NAPB: variants seen among roughly 807,000 people sequenced by gnomAD.
NAPB encodes the protein beta-soluble NSF attachment protein.
Under a neutral mutation model 44.7 loss-of-function variants are expected in NAPB, and 26 were observed. That is an observed-to-expected ratio of 0.58 (90% CI 0.43 to 0.81). NAPB has a LOEUF of 0.81. Among genes scored for constraint, NAPB ranks in the 30% least tolerant of loss-of-function variants. The pLI, the probability that NAPB is intolerant of heterozygous loss-of-function variation, is 0.00. For missense variants in NAPB, 315 were observed against 356.4 expected, an observed-to-expected ratio of 0.88 and a Z score of 0.94; for synonymous variants, 120 against 116.8, an observed-to-expected ratio of 1.03 and a Z score of -0.18.
chr20:23,408,073 T>C (rs1985377429), intron 1 of NAPB, among the ~76,000 whole-genome samples: 1 of 152,148 alleles, frequency 6.6e-6, no homozygotes, highest in African/African-American at 2.4e-5. Flanking sequence ...CACAAGATAT[T>C]AGAGTAGAAA....
At chr20:23,407,144 G>T (rs1002822509) in intron 1 of NAPB, among the ~76,000 whole-genome samples, 2 of 152,078 alleles carry the variant, frequency 1.3e-5, no homozygotes, top group African/African-American at 4.8e-5. Context: ...AATTGCCAGA[G>T]GTAGCCTCAC....
rs182461032 is a variant in NAPB, at chr20:23,421,044, C to G, written c.98+261G>C. On this transcript the variant is annotated intron_variant, in intron 1 of 10. Coordinates refer to ENST00000377026, the MANE Select transcript of NAPB (RefSeq NM_022080.3). ...GGGGCTGAGAGCCCCTGGGAGGATG[C>G]GGGGTTTCCAGGGACCCTGGGGGGG... is the stretch of plus-strand genomic sequence containing the variant. 7.8e-3 allele frequency among the ~76,000 whole-genome samples: 1,145 copies of G among 146,918 alleles called. 20 individuals carry two copies. The highest frequency in any genetic ancestry group is 0.027 in the African/African-American group (1,068 of 39,542).
chr20:23,412,564 G>A (rs1985726463), intron 1 of NAPB, among the ~76,000 whole-genome samples: 1 of 151,998 alleles, frequency 6.6e-6, no homozygotes, highest in Non-Finnish European at 1.5e-5. Context: ...CGTTAAAAAA[G>A]ATAGAAATAC....
intron 1 of NAPB, among the ~76,000 whole-genome samples, chr20:23,418,077 G>A (rs1411549373): frequency 1.3e-5 from 2 of 152,210 alleles, no homozygotes; most frequent in Non-Finnish European, 1.5e-5. Context: ...TCTGTGATGT[G>A]AAATATCTGC....
intron 1 of NAPB, among the ~76,000 whole-genome samples, chr20:23,404,153 T>C (rs549843356): frequency 3.9e-5 from 6 of 152,204 alleles, no homozygotes; most frequent in Non-Finnish European, 7.3e-5. Context: ...CAGAGTTAAC[T>C]TTGCTTTTAC....
intron 1 of NAPB, among the ~76,000 whole-genome samples, chr20:23,413,924 C>G (rs1985830034): frequency 6.6e-6 from 1 of 151,706 alleles, no homozygotes; most frequent in South Asian, 2.1e-4. Flanking sequence ...GAAAAACATC[C>G]ACATTATTTT....
At chr20:23,410,130 G>A (rs568897927) in intron 1 of NAPB, among the ~76,000 whole-genome samples, 2 of 152,316 alleles carry the variant, frequency 1.3e-5, no homozygotes, top group Admixed American at 1.3e-4. Context: ...GTTTGGCAGT[G>A]AAAGGAAAGA....
chr20:23,400,997 A>AT (rs1470545621), intron 2 of NAPB, among the ~76,000 whole-genome samples: 1 of 152,092 alleles, frequency 6.6e-6, no homozygotes, highest in Admixed American at 6.5e-5. Context: ...AAAAAAAAAA[A>AT]GTTTCCAGGA....
intron 1 of NAPB, among the ~76,000 whole-genome samples, chr20:23,420,017 T>C (rs1229297061): frequency 6.6e-6 from 1 of 152,166 alleles, no homozygotes; most frequent in African/African-American, 2.4e-5. Context: ...TGTACAGAAA[T>C]AAAATCGTGT....
intron 1 of NAPB, among the ~76,000 whole-genome samples, chr20:23,411,957 C>T (rs903365534): frequency 6.6e-6 from 1 of 152,124 alleles, no homozygotes; most frequent in African/African-American, 2.4e-5. Flanking sequence ...ACTTTGTGCT[C>T]AGTACAAGAA....
At chr20:23,380,528 CT>C (rs11387171) in intron 8 of NAPB, 44 of 145,862 alleles carry the variant, frequency 3.0e-4, no homozygotes, top group Admixed American at 3.4e-4. Flanking sequence ...TAATTTCTTT[CT>C]TTTTTTTTTT....
At position 23,388,268 on chromosome 20, in the gene NAPB, C is replaced by T. The variant is rs78791723; in HGVS notation, c.561+1678G>A. 8.0e-4 allele frequency among the ~76,000 whole-genome samples: 121 copies of T among 151,928 alleles called. 2 individuals carry two copies. In the East Asian group the frequency reaches 0.023, roughly 29 times the overall value. ...ACACACATACACACTCACACACACA[C>T]AAACACACACACATACACCCCTACA... On this transcript the variant is annotated intron_variant, in intron 7 of 10. Coordinates refer to ENST00000377026, the MANE Select transcript of NAPB (RefSeq NM_022080.3).
At chr20:23,382,526 T>A (rs6137919) in intron 7 of NAPB, among the ~76,000 whole-genome samples, 1 of 149,774 alleles carries the variant, frequency 6.7e-6, no homozygotes, top group Non-Finnish European at 1.5e-5. Context: ...GAAGCCCTCA[T>A]AAAAATGCTC....
intron 1 of NAPB, among the ~76,000 whole-genome samples, chr20:23,411,190 C>T (rs1299513904): frequency 2.0e-5 from 3 of 152,060 alleles, no homozygotes; most frequent in Non-Finnish European, 2.9e-5. Context: ...AGGCATGAAT[C>T]GAAATACTGA....
chr20:23,374,835 TAAATA>T lies in NAPB; in HGVS notation c.*2536_*2540del, dbSNP rs1982371118. On this transcript the variant is annotated 3_prime_UTR_variant, in exon 11 of 11. Coordinates refer to ENST00000377026, the MANE Select transcript of NAPB (RefSeq NM_022080.3). The stretch of plus-strand genomic sequence containing the variant: ...TGCAAAAATACTGCTTTCAAATCAT[TAAATA>T]AAAAAGAACTCACACAAGCTATAAA... The T allele has an allele frequency of 6.6e-6, 1 of 152,288 alleles. No individual in the cohort carries two copies. The highest frequency in any genetic ancestry group is 1.5e-5 in the Non-Finnish European group (1 of 68,032). The allele number at this position is 152,288 out of a possible 1,614,324, so 9.4% of individuals were successfully genotyped here. A position where few individuals can be genotyped will look rare whatever the true frequency, so the allele number is the denominator to read the frequency against.
At chr20:23,377,808 T>C (rs1982640814) in intron 10 of NAPB, among the ~76,000 whole-genome samples, 1 of 152,148 alleles carries the variant, frequency 6.6e-6, no homozygotes, top group Non-Finnish European at 1.5e-5. Context: ...GAAAGGAATA[T>C]GGAAAATTAA....
At position 23,390,898 on chromosome 20, in the gene NAPB, C is replaced by T. The variant is rs149287665; in HGVS notation, c.421-634G>A. Among the ~76,000 whole-genome samples, 24 of 152,162 alleles carry T rather than the reference C, an allele frequency of 1.6e-4. 1 individual carries two copies. The East Asian group carries it at 3.9e-3, about 24-fold the overall frequency. Reference sequence around the variant, plus strand: ...GTGTCACCTAGAATAAGGGTGTTGCCGTCAATCTAAAATATATGGCATCAA... The same window carrying T: ...GTGTCACCTAGAATAAGGGTGTTGCTGTCAATCTAAAATATATGGCATCAA... On this transcript the variant is annotated intron_variant, in intron 5 of 10. Transcript: ENST00000377026.
intron 1 of NAPB, among the ~76,000 whole-genome samples, chr20:23,413,362 A>G (rs987059077): frequency 4.6e-5 from 7 of 152,228 alleles, no homozygotes. Flanking sequence ...AACAGGATCT[A>G]TAAAATACAA....
intron 10 of NAPB, 70 bp from the exon 11 acceptor site, chr20:23,377,556 C>A: frequency 1.1e-6 from 1 of 945,916 alleles, no homozygotes; most frequent in East Asian, 2.7e-5. Flanking sequence ...AATAGTACCC[C>A]AAGCTGTTTA....
Sources: allele counts gnomAD v4.1 joint callset (sites outside exome capture counted in the v4.1 genomes callset), GRCh38; gene constraint gnomAD v4.1.1; transcripts MANE v1.5; gene names NCBI Gene and HGNC (gene_info 2026-07-23, HGNC 2026-07-21).